EFTUD2: variants seen among roughly 807,000 people sequenced by gnomAD.
The protein encoded by EFTUD2 is elongation factor Tu GTP binding domain containing 2.
A neutral mutation model predicts 114.3 loss-of-function variants in EFTUD2; 9 were observed. The observed-to-expected ratio is 0.08, with a 90% CI of 0.05 to 0.14. The LOEUF is 0.14. EFTUD2 is among the 10% of genes least tolerant of loss of function. The probability of loss-of-function intolerance (pLI) is 1.00; values close to 1 mark genes in which losing one functional copy is unlikely to be tolerated. For synonymous variants in EFTUD2, 449 were observed against 462.3 expected (o/e 0.97, Z 0.37); for missense variants, 765 against 1,241.2 (o/e 0.62, Z 5.76).
intron 6 of EFTUD2, among the ~76,000 whole-genome samples, chr17:44,882,213 C>T (rs1387902864): frequency 3.3e-5 from 5 of 152,036 alleles, no homozygotes; most frequent in East Asian, 1.9e-4. Flanking sequence ...GGATTACAGG[C>T]GTGAGCCACC....
chr17:44,852,682 T>G, intron 25 of EFTUD2, 120 bp from the exon 26 acceptor site: 1 of 1,232,084 alleles, frequency 8.1e-7, no homozygotes, highest in South Asian at 1.5e-5. Context: ...AAAGAAAGAG[T>G]AACCAAGAAT....
At chr17:44,898,336 G>A (rs1369471095) in intron 1 of EFTUD2, among the ~76,000 whole-genome samples, 1 of 152,126 alleles carries the variant, frequency 6.6e-6, no homozygotes, top group African/African-American at 2.4e-5. Flanking sequence ...TCCTGCCTCA[G>A]CCTCCCGAGT....
chr17:44,876,546 T>C (rs1353801437), intron 9 of EFTUD2, among the ~76,000 whole-genome samples: 1 of 152,092 alleles, frequency 6.6e-6, no homozygotes, highest in Non-Finnish European at 1.5e-5. Context: ...ATCCAAACCT[T>C]TGTTTCTAAA....
chr17:44,859,246 A>G (rs2050612251), intron 18 of EFTUD2, 65 bp from the exon 19 acceptor site: 1 of 1,151,074 alleles, frequency 8.7e-7, no homozygotes, highest in East Asian at 2.3e-5. Flanking sequence ...CACAAACAAA[A>G]TCAAGGCCAG....
chr17:44,871,225 A>G (rs1326090740), intron 11 of EFTUD2, among the ~76,000 whole-genome samples: 2 of 151,816 alleles, frequency 1.3e-5, no homozygotes, highest in Admixed American at 6.6e-5. Flanking sequence ...GGGTTTCGCC[A>G]TGTTGCCCAG....
At position 44,854,879 on chromosome 17, in the gene EFTUD2, T is replaced by G. The variant is rs780879118; in HGVS notation, c.2132+39A>C. 2.5e-6 allele frequency: 4 copies of G among 1,603,182 alleles called. No homozygotes were observed. Among genetic ancestry groups the G allele is most frequent in the Non-Finnish European group, 3.4e-6 (4 of 1,170,246 alleles). ...CCCGGCAGTTAAACTGTGGCATCCC[T>G]GCCTCCTTTCGACCCTGGCGTCAGA... On this transcript the variant is annotated intron_variant, in intron 21 of 27. Coordinates refer to ENST00000426333, the MANE Select transcript of EFTUD2 (RefSeq NM_004247.4). This position sits in a 1 kb window ranked among gnomAD's most constrained non-coding sequence, Gnocchi z 4.3.
chr17:44,874,646 T>C (rs1249264333), intron 10 of EFTUD2, among the ~76,000 whole-genome samples: 1 of 152,178 alleles, frequency 6.6e-6, no homozygotes, highest in Non-Finnish European at 1.5e-5. Context: ...AGTAAGACTG[T>C]CTTTAAGATA....
In EFTUD2 at chr17:44,861,663, G is replaced by A. The variant is rs912088267; in HGVS notation, c.1607+1050C>T. Among the ~76,000 whole-genome samples the A allele has an allele frequency of 8.5e-5, 13 of 152,054 alleles. 1 individual carries two copies. Among genetic ancestry groups the A allele is most frequent in the Admixed American group, 6.6e-5 (1 of 15,264 alleles). On this transcript the variant is annotated intron_variant, in intron 16 of 27. Coordinates refer to ENST00000426333, the MANE Select transcript of EFTUD2 (RefSeq NM_004247.4). ...CAGCAGAATGGCATGAACCCAGGAGGTGGAGCTTGCAGTAAGCCGAGATCA... is the reference window on the plus strand; with the variant it reads ...CAGCAGAATGGCATGAACCCAGGAGATGGAGCTTGCAGTAAGCCGAGATCA...
chr17:44,888,631 T>A (rs1299399400), intron 2 of EFTUD2, among the ~76,000 whole-genome samples: 1 of 152,158 alleles, frequency 6.6e-6, no homozygotes, highest in African/African-American at 2.4e-5. Context: ...CTGGATACAT[T>A]ACAAAGGTAG....
chr17:44,859,707 T>TA (rs2050621096), intron 18 of EFTUD2, 198 bp downstream of exon 18: 6 of 772,316 alleles, frequency 7.8e-6, no homozygotes, highest in Non-Finnish European at 1.2e-5. Context: ...ACACAGGTCT[T>TA]GTTTTAACAC....
rs751243292 is a variant in EFTUD2 at position 44,862,915 on chromosome 17, G to A, written c.1414-9C>T. 6.2e-7 allele frequency: 1 copy of A among 1,606,164 alleles called. No homozygotes were observed. The highest frequency in any genetic ancestry group is 1.1e-5 in the South Asian group (1 of 90,778). ...TGGCACATCAGGGGGCCCTGGAAGA[G>A]GGGACAGGGTGCAGCTTCAACCACA... On this transcript the variant is annotated splice_polypyrimidine_tract_variant and intron_variant, in intron 15 of 27. Transcript: ENST00000426333.
At chr17:44,859,737 C>G in intron 18 of EFTUD2, 168 bp downstream of exon 18, 1 of 1,066,894 alleles carries the variant, frequency 9.4e-7, no homozygotes. Flanking sequence ...CACACACACA[C>G]GTGTCTTGTC....
At chr17:44,863,057 T>A in intron 15 of EFTUD2, 151 bp from the exon 16 acceptor site, 1 of 580,544 alleles carries the variant, frequency 1.7e-6, no homozygotes, top group Non-Finnish European at 2.9e-6. Flanking sequence ...TTCTACCCCA[T>A]CCCTCTGAGA....
rs746139297 is a variant in EFTUD2, at chr17:44,863,772, G to A, written c.1296C>T (p.Asp432=). Residue 432 remains aspartate (D), a synonymous_variant, in exon 15 of 28, where the codon GAC becomes GAT. Coordinates refer to ENST00000426333, the MANE Select transcript of EFTUD2 (RefSeq NM_004247.4). The stretch of plus-strand genomic sequence containing the variant: ...GAGAAGGGATATGCTGCACACACAT[G>A]TCCACAAAGCCTGTGGATGGAGAAG... ...KFFGEFTGFV[D]MCVQHIPSPK... 6.2e-7 allele frequency: 1 copy of A among 1,614,068 alleles called. No individual in the cohort carries two copies. Among genetic ancestry groups the A allele is most frequent in the East Asian group, 2.2e-5 (1 of 44,884 alleles).
In EFTUD2 at chr17:44,879,597, T is replaced by C. The variant is rs765131622; in HGVS notation, c.661A>G (p.Ile221Val). Residue 221 changes from isoleucine (I) to valine (V), a missense_variant, in exon 9 of 28, where the codon ATC becomes GTC. Ile to Val is a conservative substitution (Grantham distance 29). This residue lies in a region of EFTUD2 where 251 missense variants were observed against 357.7 expected (regional missense o/e 0.70). Coordinates refer to ENST00000426333, the MANE Select transcript of EFTUD2 (RefSeq NM_004247.4). ...ATGAAAAGGACCACTCCATCTGAGA[T>C]GCGCAAGCCAGCTGTGACCTCATCA... The part of the protein sequence containing the change: ...FSDEVTAGLR[I>V]SDGVVLFIDA... The C allele has an allele frequency of 1.2e-6, 2 of 1,614,002 alleles. No homozygotes were observed. The highest frequency in any genetic ancestry group is 1.7e-6 in the Non-Finnish European group (2 of 1,179,972).
chr17:44,874,817 TATAAG>T (rs2050917828), intron 10 of EFTUD2, among the ~76,000 whole-genome samples: 1 of 152,232 alleles, frequency 6.6e-6, no homozygotes, highest in Non-Finnish European at 1.5e-5. Context: ...CTGTGTTAAT[TATAAG>T]ATAATAGCAG....
Position 44,851,639 on chromosome 17 carries a change from A to AAG in EFTUD2, c.2823+69_2823+70dup, listed in dbSNP as rs546462147. 5.7e-5 allele frequency: 81 copies of AAG among 1,414,978 alleles called. No individual in the cohort carries two copies. The South Asian group carries it at 6.3e-4, about 11-fold the overall frequency. 87.7% of individuals were successfully genotyped at this position (1,414,978 alleles called of 1,614,324 possible). ...TCCCTTAGGAAAAGGGGCCAAAAGA[A>AAG]AGAGAGAGAGATCCTGCTTCTGAGA... On this transcript the variant is annotated intron_variant, in intron 27 of 27. Transcript: ENST00000426333.
chr17:44,872,279 G>A (rs1272159293), intron 11 of EFTUD2, among the ~76,000 whole-genome samples, 167 bp downstream of exon 11: 1 of 152,186 alleles, frequency 6.6e-6, no homozygotes, highest in Non-Finnish European at 1.5e-5. Context: ...CACTTAGCCT[G>A]AAGAAAGGGT....
intron 20 of EFTUD2, 54 bp from the exon 21 acceptor site, chr17:44,855,058 C>T (rs543603470): frequency 2.0e-6 from 3 of 1,481,032 alleles, no homozygotes; most frequent in Non-Finnish European, 2.8e-6. Flanking sequence ...GCAGAAGAGG[C>T]ATTACTAAGA....
Sources: gnomAD v4.1 joint callset for allele counts (sites outside exome capture counted in the v4.1 genomes callset) on GRCh38, gnomAD v4.1.1 for gene constraint, gnomAD v4.1.1 regional missense constraint, Gnocchi (gnomAD v3.1) non-coding constraint, MANE v1.5 for transcripts, NCBI Gene and HGNC (gene_info 2026-07-23, HGNC 2026-07-21) for gene names.